The following GRK5 variants were observed in gnomAD, a reference collection of about 807,000 sequenced individuals.
The protein encoded by GRK5 is g protein-coupled receptor kinase GRK5.
A neutral mutation model predicts 78.4 loss-of-function variants in GRK5; 40 were observed. The ratio of observed to expected loss-of-function variants is 0.51; its 90% CI spans 0.40 to 0.66. The LOEUF is 0.66. Among genes scored for constraint, GRK5 ranks in the 30% least tolerant of loss-of-function variants. The pLI is 0.00. For synonymous variants in GRK5, 289 were observed against 296.8 expected (o/e 0.97, Z 0.27); for missense variants, 598 against 759.9 (o/e 0.79, Z 2.50).
chr10:119,295,253 G>T (rs1444632756), intron 1 of GRK5, among the ~76,000 whole-genome samples: 1 of 151,340 alleles, frequency 6.6e-6, no homozygotes, highest in Non-Finnish European at 1.5e-5. Context: ...CATCTTAAGG[G>T]CAGAGAACAT....
intron 1 of GRK5, among the ~76,000 whole-genome samples, chr10:119,297,632 A>G (rs1179082834): frequency 6.6e-6 from 1 of 152,224 alleles, no homozygotes; most frequent in African/African-American, 2.4e-5. Context: ...TGTTATGACA[A>G]GAATAGGTTG....
At chr10:119,235,867 C>G (rs1201755644) in intron 1 of GRK5, among the ~76,000 whole-genome samples, 1 of 152,154 alleles carries the variant, frequency 6.6e-6, no homozygotes, top group Non-Finnish European at 1.5e-5. Context: ...CACCTGGATT[C>G]TGCCCCAGGA....
At chr10:119,252,038 A>G (rs994978012) in intron 1 of GRK5, among the ~76,000 whole-genome samples, 3 of 152,196 alleles carry the variant, frequency 2.0e-5, no homozygotes, top group South Asian at 2.1e-4. Context: ...GCCAAGTACA[A>G]TTCTGGCTCA....
intron 14 of GRK5, 79 bp from the exon 15 acceptor site, chr10:119,453,066 G>A: frequency 1.0e-6 from 1 of 962,126 alleles, no homozygotes; most frequent in Non-Finnish European, 1.7e-6. Flanking sequence ...GCCAGGGGAG[G>A]GAGCCCCAGT....
chr10:119,399,128 C>T (rs546173806), intron 4 of GRK5, among the ~76,000 whole-genome samples: 27 of 152,356 alleles, frequency 1.8e-4, no homozygotes, highest in East Asian at 3.9e-4. Context: ...TCAGCTCAGA[C>T]GGTTTTACAA....
intron 1 of GRK5, among the ~76,000 whole-genome samples, chr10:119,252,501 G>C (rs1053024773): frequency 2.0e-5 from 3 of 152,182 alleles, no homozygotes. Context: ...GAGAGGCGGG[G>C]AAGGGCACTG....
chr10:119,232,058 A>C (rs1017706840), intron 1 of GRK5, among the ~76,000 whole-genome samples: 11 of 152,256 alleles, frequency 7.2e-5, no homozygotes, highest in African/African-American at 2.4e-4. Context: ...TATTCACAAT[A>C]GCCAAGATAG....
chr10:119,263,317 A>G (rs1032951338), intron 1 of GRK5, among the ~76,000 whole-genome samples: 1 of 152,144 alleles, frequency 6.6e-6, no homozygotes, highest in South Asian at 2.1e-4. Context: ...CACAATGTAC[A>G]TTCTTATATC....
rs1197169552 is a variant in GRK5 at position 119,445,226 on chromosome 10, A to G, written c.1266+1474A>G. Among the ~76,000 whole-genome samples the G allele has an allele frequency of 6.6e-6, 1 of 152,160 alleles. No individual in the cohort carries two copies. Among genetic ancestry groups the G allele is most frequent in the Non-Finnish European group, 1.5e-5 (1 of 68,028 alleles). On this transcript the variant is annotated intron_variant, in intron 12 of 15. Coordinates refer to ENST00000392870, the MANE Select transcript of GRK5 (RefSeq NM_005308.3). The surrounding 1 kb of genome is among the most constrained non-coding windows in gnomAD (Gnocchi z 4.1). The stretch of plus-strand genomic sequence containing the variant: ...AAATGGAAATGTGGGTGTGAGCCAT[A>G]CTTGGCTGTCTCATTGGGAGATATC...
At chr10:119,232,964 A>T (rs766612153) in intron 1 of GRK5, among the ~76,000 whole-genome samples, 13 of 152,230 alleles carry the variant, frequency 8.5e-5, no homozygotes, top group Non-Finnish European at 1.8e-4. Context: ...TGTGTCAGCT[A>T]AAAGATAAAA....
intron 1 of GRK5, among the ~76,000 whole-genome samples, chr10:119,261,182 G>A (rs1280018866): frequency 4.0e-5 from 6 of 150,270 alleles, no homozygotes; most frequent in African/African-American, 1.2e-4. Flanking sequence ...CTTCTCAAAC[G>A]GGGCGGCTGC....
At position 119,396,991 on chromosome 10, in the gene GRK5, G is replaced by A. The variant is rs142995271; in HGVS notation, c.339+219G>A. Among the ~76,000 whole-genome samples, 131 of 152,376 alleles carry A rather than the reference G, an allele frequency of 8.6e-4. 1 individual carries two copies. The highest frequency in any genetic ancestry group is 3.1e-3 in the African/African-American group (127 of 41,594). On this transcript the variant is annotated intron_variant, in intron 4 of 15. Coordinates refer to ENST00000392870, the MANE Select transcript of GRK5 (RefSeq NM_005308.3). ...TCTAGGCCAGGACTGGAGTAGGGGC[G>A]GGATGCCTGCTTCTTGGGGCCCAGC...
chr10:119,389,553 A>G (rs1851852623), intron 3 of GRK5, among the ~76,000 whole-genome samples: 1 of 152,180 alleles, frequency 6.6e-6, no homozygotes, highest in African/African-American at 2.4e-5. Context: ...CCCCACCCGC[A>G]TTCCCAAATA....
At chr10:119,208,047 G>C in intron 1 of GRK5, 78 bp downstream of exon 1, 1 of 1,406,104 alleles carries the variant, frequency 7.1e-7, no homozygotes, top group Non-Finnish European at 9.7e-7. Flanking sequence ...TGCGGGCTGG[G>C]GCTGCGCCCG....
At chr10:119,269,748 G>C (rs1849555984) in intron 1 of GRK5, among the ~76,000 whole-genome samples, 1 of 150,114 alleles carries the variant, frequency 6.7e-6, no homozygotes, top group African/African-American at 2.5e-5. Flanking sequence ...CAGGAGAATT[G>C]CTTGAACCCA....
At chr10:119,258,527 C>T (rs1368816948) in intron 1 of GRK5, among the ~76,000 whole-genome samples, 2 of 152,146 alleles carry the variant, frequency 1.3e-5, no homozygotes, top group Non-Finnish European at 1.5e-5. Context: ...AGAGCTGTAC[C>T]GTCTTGCATT....
At chr10:119,368,697 G>C (rs1468394186) in intron 2 of GRK5, among the ~76,000 whole-genome samples, 3 of 152,248 alleles carry the variant, frequency 2.0e-5, no homozygotes, top group Non-Finnish European at 4.4e-5. Context: ...CTCGAAAGGG[G>C]CATGCCAGGC....
chr10:119,417,674 A>G (rs1320926860), intron 4 of GRK5, among the ~76,000 whole-genome samples: 1 of 152,192 alleles, frequency 6.6e-6, no homozygotes, highest in East Asian at 1.9e-4. Context: ...GATGGAACAG[A>G]AGATGAGAGA....
intron 2 of GRK5, among the ~76,000 whole-genome samples, chr10:119,337,971 C>A (rs188211937): frequency 5.3e-4 from 80 of 152,266 alleles, no homozygotes; most frequent in Non-Finnish European, 9.1e-4. Flanking sequence ...TTAGGGCCCA[C>A]CCTAATGACC....
Sources: allele counts gnomAD v4.1 joint callset (sites outside exome capture counted in the v4.1 genomes callset), GRCh38; gene constraint gnomAD v4.1.1; non-coding constraint Gnocchi (gnomAD v3.1); transcripts MANE v1.5; gene names NCBI Gene and HGNC (gene_info 2026-07-23, HGNC 2026-07-21).